MRTFB: variants seen among roughly 807,000 people sequenced by gnomAD.
MRTFB encodes the protein myocardin related transcription factor B, also known as myocardin-related transcription factor B.
A neutral mutation model predicts 104.2 loss-of-function variants in MRTFB; 29 were observed. The ratio of observed to expected loss-of-function variants is 0.28; its 90% CI spans 0.21 to 0.38. The LOEUF (loss-of-function observed/expected upper bound fraction) is 0.38, where lower values mean the gene tolerates loss of function less well. MRTFB is among the 10% of genes least tolerant of loss of function. The probability of loss-of-function intolerance (pLI) is 1.00; values close to 1 mark genes in which losing one functional copy is unlikely to be tolerated. For synonymous variants in MRTFB, 535 were observed against 519.5 expected (o/e 1.03, Z -0.41); for missense variants, 1,270 against 1,341.6 (o/e 0.95, Z 0.83).
chr16:14,198,298 A>C lies in MRTFB; in HGVS notation c.155-11945A>C, dbSNP rs559182508. Among the ~76,000 whole-genome samples the C allele has an allele frequency of 3.3e-5, 5 of 152,326 alleles. No homozygotes were observed. In the East Asian group the frequency reaches 9.6e-4, roughly 29 times the overall value. On this transcript the variant is annotated intron_variant, in intron 3 of 16. Coordinates refer to ENST00000571589, the MANE Select transcript of MRTFB (RefSeq NM_001308142.2). Reference sequence around the variant, plus strand: ...AGAGTTGCTATGGACATGTGTGTACATGTATTTGTTTGAGTACTTGTTTCC... The same window carrying C: ...AGAGTTGCTATGGACATGTGTGTACCTGTATTTGTTTGAGTACTTGTTTCC...
intron 8 of MRTFB, among the ~76,000 whole-genome samples, chr16:14,232,145 T>TG (rs1321434071): frequency 6.6e-6 from 1 of 152,330 alleles, no homozygotes; most frequent in East Asian, 1.9e-4. Context: ...CTTCAGTCAC[T>TG]GGGGGCTGGA....
rs541868179 is a variant in MRTFB, at chr16:14,263,331, G to C, written c.*1887G>C. 6.6e-6 allele frequency: 1 copy of C among 152,204 alleles called. No individual in the cohort carries two copies. The highest frequency in any genetic ancestry group is 1.5e-5 in the Non-Finnish European group (1 of 68,032). 9.4% of individuals were successfully genotyped at this position (152,204 alleles called of 1,614,324 possible). A position where few individuals can be genotyped will look rare whatever the true frequency, so the allele number is the denominator to read the frequency against. On this transcript the variant is annotated 3_prime_UTR_variant, in exon 17 of 17. Transcript: ENST00000571589. ...AGATGTTCTGTGAATCCTCGAGTCAGTTCCATTGAGAGGGGCCTGTCTCCA... is the reference window on the plus strand; with the variant it reads ...AGATGTTCTGTGAATCCTCGAGTCACTTCCATTGAGAGGGGCCTGTCTCCA...
chr16:14,112,948 A>G (rs2036353499), intron 2 of MRTFB, among the ~76,000 whole-genome samples: 1 of 152,140 alleles, frequency 6.6e-6, no homozygotes, highest in African/African-American at 2.4e-5. Context: ...ACCTACCACA[A>G]TTTGACAGTA....
chr16:14,205,818 G>A (rs1440732514), intron 3 of MRTFB, among the ~76,000 whole-genome samples: 2 of 152,136 alleles, frequency 1.3e-5, no homozygotes, highest in African/African-American at 4.8e-5. Flanking sequence ...CTAAGAAGAC[G>A]GAGGCTATGA....
At chr16:14,135,361 C>G (rs1000447801) in intron 2 of MRTFB, among the ~76,000 whole-genome samples, 1 of 152,194 alleles carries the variant, frequency 6.6e-6, no homozygotes, top group Non-Finnish European at 1.5e-5. Flanking sequence ...TTTATTTTTC[C>G]TGTACCTTTT....
intron 4 of MRTFB, among the ~76,000 whole-genome samples, chr16:14,210,761 A>T (rs2041158705): frequency 6.6e-6 from 1 of 152,240 alleles, no homozygotes; most frequent in African/African-American, 2.4e-5. Context: ...AATGTATCTC[A>T]GTTACAGGAC....
At chr16:14,075,967 A>C (rs979858977) in intron 1 of MRTFB, among the ~76,000 whole-genome samples, 1 of 152,152 alleles carries the variant, frequency 6.6e-6, no homozygotes, top group African/African-American at 2.4e-5. Context: ...ATTTTGAGAA[A>C]TCTAAATTCC....
At chr16:14,159,316 C>T (rs2142881230) in intron 3 of MRTFB, among the ~76,000 whole-genome samples, 1 of 152,234 alleles carries the variant, frequency 6.6e-6, no homozygotes, top group East Asian at 1.9e-4. Flanking sequence ...CATTCTAGCT[C>T]AGTACTTTTG....
intron 3 of MRTFB, among the ~76,000 whole-genome samples, chr16:14,186,029 GT>G (rs2039940817): frequency 6.6e-6 from 1 of 152,164 alleles, no homozygotes; most frequent in African/African-American, 2.4e-5. Context: ...AGCTGTCAGT[GT>G]TGCCGCTTTT....
At chr16:14,137,765 A>G (rs1304915612) in intron 2 of MRTFB, among the ~76,000 whole-genome samples, 1 of 151,792 alleles carries the variant, frequency 6.6e-6, no homozygotes, top group African/African-American at 2.4e-5. Flanking sequence ...TTTTCTATCC[A>G]TTTTCCACCC....
At chr16:14,062,121 C>A in the MRTFB span, among the ~76,000 whole-genome samples, 3 of 152,008 alleles carry the variant, frequency 2.0e-5, no homozygotes, top group Non-Finnish European at 4.4e-5. Flanking sequence ...GAGATAGGGT[C>A]TTGCTCTGTC....
In MRTFB at chr16:14,220,408, A is replaced by G. The variant is rs7498291; in HGVS notation, c.693+1410A>G. 7.9e-5 allele frequency among the ~76,000 whole-genome samples: 12 copies of G among 152,356 alleles called. 1 individual carries two copies. The highest frequency in any genetic ancestry group is 7.2e-5 in the African/African-American group (3 of 41,578). On this transcript the variant is annotated intron_variant, in intron 8 of 16. Transcript: ENST00000571589. ...TTTTAGTAATACAGAATGTGTCACA[A>G]CAGCCATCAGTTGTTTAAATTCCAT... is the stretch of plus-strand genomic sequence containing the variant.
upstream of MRTFB, among the ~76,000 whole-genome samples, chr16:14,068,029 A>T (rs1338195199): frequency 3.9e-5 from 6 of 152,090 alleles, no homozygotes; most frequent in East Asian, 1.2e-3. Context: ...ATGGGGATTC[A>T]ACATGTTGGC....
At chr16:14,027,232 T>C in the MRTFB span, among the ~76,000 whole-genome samples, 1 of 152,110 alleles carries the variant, frequency 6.6e-6, no homozygotes, top group Non-Finnish European at 1.5e-5. Context: ...TTCAACAATT[T>C]GAGTGAACCT....
At chr16:14,036,296 T>TATATATATATATATATATATATA in the MRTFB span, among the ~76,000 whole-genome samples, 4 of 98,312 alleles carry the variant, frequency 4.1e-5, no homozygotes, top group East Asian at 3.2e-4. Flanking sequence ...TTATATATAT[T>TATATATATATATATATATATATA]TATATATATA....
intron 2 of MRTFB, among the ~76,000 whole-genome samples, chr16:14,109,440 A>G (rs1190279787): frequency 6.6e-6 from 1 of 152,270 alleles, no homozygotes; most frequent in Non-Finnish European, 1.5e-5. Flanking sequence ...AGAAGAAAAC[A>G]TAAACCAAAA....
the MRTFB span, among the ~76,000 whole-genome samples, chr16:14,042,010 T>G: frequency 2.0e-5 from 3 of 152,216 alleles, no homozygotes; most frequent in African/African-American, 4.8e-5. Context: ...CTATTTTTAA[T>G]TTTTTGAGGA....
At chr16:14,044,508 T>C in the MRTFB span, among the ~76,000 whole-genome samples, 1 of 152,198 alleles carries the variant, frequency 6.6e-6, no homozygotes. Context: ...CACAGTGACT[T>C]CCAGTTTGCT....
Position 14,246,781 on chromosome 16 carries a change from A to T in MRTFB, c.1521A>T (p.Pro507=). The T allele has an allele frequency of 6.2e-7, 1 of 1,613,888 alleles. No homozygotes were observed. The highest frequency in any genetic ancestry group is 8.5e-7 in the Non-Finnish European group (1 of 1,180,014). Residue 507 remains proline (P), a synonymous_variant, in exon 12 of 17, where the codon CCA becomes CCT. Coordinates refer to ENST00000571589, the MANE Select transcript of MRTFB (RefSeq NM_001308142.2). ...ENVHSPLPIS[P]SPSEQSSLST... is the part of the protein sequence containing the mutation. ...TTCATTCCCCTCTGCCCATTTCACC[A>T]TCTCCCTCCGAACAGTCCAGTCTCA...
Sources: gnomAD v4.1 joint callset for allele counts (sites outside exome capture counted in the v4.1 genomes callset) on GRCh38, gnomAD v4.1.1 for gene constraint, MANE v1.5 for transcripts, NCBI Gene and HGNC (gene_info 2026-07-23, HGNC 2026-07-21) for gene names.